Variants in PIK3C2G observed in about 807,000 individuals in gnomAD.
The protein encoded by PIK3C2G is phosphatidylinositol-4-phosphate 3-kinase catalytic subunit type 2 gamma.
PIK3C2G carries 168 observed loss-of-function variants against 181.1 expected under a neutral mutation model. The ratio of observed to expected loss-of-function variants is 0.93; its 90% CI spans 0.82 to 1.05. PIK3C2G has a LOEUF of 1.05. Among genes scored for constraint, PIK3C2G ranks in the 50% least tolerant of loss-of-function variants. PIK3C2G has a pLI of 0.00. For missense variants in PIK3C2G, 1,869 were observed against 1,732.8 expected (o/e 1.08, Z -1.40); for synonymous variants, 573 against 592.2 (o/e 0.97, Z 0.47).
intron 7 of PIK3C2G, among the ~76,000 whole-genome samples, chr12:18,324,078 G>A (rs59321123): frequency 0.12 from 18,960 of 152,026 alleles, 1,578 homozygotes; most frequent in Admixed American, 0.25. Flanking sequence ...ACATTAGCCG[G>A]GCGTGGTGGC....
At chr12:18,448,166 A>T (rs1947135336) in intron 18 of PIK3C2G, among the ~76,000 whole-genome samples, 1 of 152,098 alleles carries the variant, frequency 6.6e-6, no homozygotes. Flanking sequence ...ATACAATAAA[A>T]TTATTTTTGA....
chr12:18,610,769 T>C (rs1948289548), intron 31 of PIK3C2G, among the ~76,000 whole-genome samples: 1 of 147,700 alleles, frequency 6.8e-6, no homozygotes, highest in South Asian at 2.2e-4. Context: ...TTTAAGCAAC[T>C]ATATAAACAT....
At chr12:18,568,977 G>GTAA (rs911782095) in intron 29 of PIK3C2G, among the ~76,000 whole-genome samples, 24 of 152,150 alleles carry the variant, frequency 1.6e-4, no homozygotes, top group African/African-American at 4.8e-4. Context: ...GAACACCCAT[G>GTAA]TAACCACGCA....
chr12:18,507,999 A>C (rs1373374408), intron 24 of PIK3C2G, among the ~76,000 whole-genome samples: 2 of 152,220 alleles, frequency 1.3e-5, no homozygotes, highest in Non-Finnish European at 2.9e-5. Flanking sequence ...TGTGCCCAGC[A>C]TACAGCCACA....
intron 18 of PIK3C2G, among the ~76,000 whole-genome samples, chr12:18,479,489 T>C (rs1592364239): frequency 6.6e-6 from 1 of 152,086 alleles, no homozygotes; most frequent in African/African-American, 2.4e-5. Flanking sequence ...CCCTCATCTG[T>C]GAGAAGGAAG....
chr12:18,259,855 C>A (rs1948190799), upstream of PIK3C2G, among the ~76,000 whole-genome samples: 2 of 151,974 alleles, frequency 1.3e-5, no homozygotes, highest in African/African-American at 4.8e-5. Flanking sequence ...CCAGGTAAGA[C>A]AGAAGGCTTT....
intron 16 of PIK3C2G, among the ~76,000 whole-genome samples, chr12:18,419,776 G>T (rs1945374464): frequency 6.6e-6 from 1 of 152,112 alleles, no homozygotes. Flanking sequence ...GTTTAATGAA[G>T]AAAAAATATG....
chr12:18,703,683 T>A, the PIK3C2G span, among the ~76,000 whole-genome samples: 2 of 152,342 alleles, frequency 1.3e-5, no homozygotes, highest in South Asian at 4.1e-4. Flanking sequence ...TGGAAAATAC[T>A]GTAATTCTGT....
At chr12:18,584,855 A>G (rs1170482312) in intron 29 of PIK3C2G, among the ~76,000 whole-genome samples, 1 of 152,156 alleles carries the variant, frequency 6.6e-6, no homozygotes, top group Non-Finnish European at 1.5e-5. Flanking sequence ...TCAGCAGGAA[A>G]TCTATAAGCC....
At chr12:18,560,764 A>C (rs868279021) in intron 26 of PIK3C2G, among the ~76,000 whole-genome samples, 14 of 152,170 alleles carry the variant, frequency 9.2e-5, no homozygotes, top group African/African-American at 3.4e-4. Context: ...TCAAAAGTGA[A>C]AGGATTTGAA....
At chr12:18,433,346 C>A (rs1946268983) in intron 18 of PIK3C2G, among the ~76,000 whole-genome samples, 2 of 151,822 alleles carry the variant, frequency 1.3e-5, no homozygotes, top group Non-Finnish European at 2.9e-5. Context: ...AACCCCATTT[C>A]TACTAAAAAT....
chr12:18,368,957 G>A (rs1941832677), intron 12 of PIK3C2G, among the ~76,000 whole-genome samples: 1 of 152,154 alleles, frequency 6.6e-6, no homozygotes, highest in African/African-American at 2.4e-5. Context: ...CCAACTCCTA[G>A]TGTGAGAAGA....
chr12:18,423,146 AGTGT>A (rs200060648), intron 17 of PIK3C2G, among the ~76,000 whole-genome samples: 2 of 149,356 alleles, frequency 1.3e-5, no homozygotes, highest in African/African-American at 2.5e-5. Context: ...AGAGAGAGAG[AGTGT>A]GTGTGTGTGT....
chr12:18,247,782 A>C (rs1025611602), exon 1 of PIK3C2G: 2 of 152,204 alleles, frequency 1.3e-5, no homozygotes, highest in African/African-American at 4.8e-5. Flanking sequence ...AGTTCCTGCC[A>C]CATTCACACG....
In PIK3C2G at chr12:18,338,466, G is replaced by T; in HGVS notation, c.1313G>T (p.Cys438Phe). The change falls in exon 9 of 33, where the codon TGC (cysteine) becomes TTC (phenylalanine). Residue 438 changes from cysteine (C) to phenylalanine (F), a missense_variant. Physicochemically the swap from Cys to Phe is radical, Grantham distance 205. Coordinates refer to ENST00000538779, the MANE Select transcript of PIK3C2G (RefSeq NM_001288772.2). ...ATTATTGAAGAAGTTAAAAAAATAT[G>T]CAGTGTTCTAGGGTGTGTGGAAACC... Reference protein sequence around the residue: ...YNIIEEVKKICSVLGCVETKQ... With the variant: ...YNIIEEVKKIFSVLGCVETKQ... 6.3e-7 allele frequency: 1 copy of T among 1,576,188 alleles called. No homozygotes were observed. The highest frequency in any genetic ancestry group is 8.7e-7 in the Non-Finnish European group (1 of 1,147,308).
intron 30 of PIK3C2G, among the ~76,000 whole-genome samples, chr12:18,597,998 A>G (rs1947474000): frequency 6.6e-6 from 1 of 151,840 alleles, no homozygotes; most frequent in Admixed American, 6.6e-5. Context: ...GAAATAAAAG[A>G]GGATACAAAC....
chr12:18,582,712 C>T (rs775031775), intron 29 of PIK3C2G, among the ~76,000 whole-genome samples: 1 of 152,160 alleles, frequency 6.6e-6, no homozygotes, highest in Non-Finnish European at 1.5e-5. Context: ...AGACAGAGCT[C>T]CCAGAGGGAG....
intron 13 of PIK3C2G, among the ~76,000 whole-genome samples, chr12:18,375,072 G>A (rs770935219): frequency 1.3e-5 from 2 of 152,180 alleles, no homozygotes; most frequent in Non-Finnish European, 2.9e-5. Flanking sequence ...CAGGAGTAGG[G>A]TATTGCTATG....
chr12:18,491,012 T>C lies in PIK3C2G; in HGVS notation c.2686-439T>C, dbSNP rs543856259. Reference sequence around the variant, plus strand: ...TTGTTGTTACTACTGTACGTAATTTTTTTTTGTAAAATGCACTATACTATT... The same window carrying C: ...TTGTTGTTACTACTGTACGTAATTTCTTTTTGTAAAATGCACTATACTATT... On this transcript the variant is annotated intron_variant, in intron 19 of 32. Transcript: ENST00000538779. Among the ~76,000 whole-genome samples the C allele has an allele frequency of 2.6e-5, 4 of 152,324 alleles. No individual in the cohort carries two copies. The South Asian group carries it at 8.3e-4, about 32-fold the overall frequency.
Sources: allele counts gnomAD v4.1 joint callset (sites outside exome capture counted in the v4.1 genomes callset), GRCh38; gene constraint gnomAD v4.1.1; transcripts MANE v1.5; gene names NCBI Gene and HGNC (gene_info 2026-07-23, HGNC 2026-07-21).